Variants in CAST observed in about 807,000 individuals in gnomAD.
CAST encodes the protein MIR583 host.
In CAST, 76 loss-of-function variants were observed where a neutral mutation model predicts 119.6. That is an observed-to-expected ratio of 0.64 (90% CI 0.53 to 0.77). CAST has a LOEUF of 0.77. Ranked by LOEUF, CAST falls within the 30% of genes least tolerant of loss-of-function variation. The pLI is 0.00. For synonymous variants in CAST, 319 were observed against 331.6 expected, an observed-to-expected ratio of 0.96 and a Z score of 0.41; for missense variants, 953 against 946.5, an observed-to-expected ratio of 1.01 and a Z score of -0.09.
intron 2 of CAST, among the ~76,000 whole-genome samples, chr5:96,688,269 T>A (rs1752304410): frequency 6.6e-6 from 1 of 152,184 alleles, no homozygotes; most frequent in Non-Finnish European, 1.5e-5. Context: ...ATTTTGAAAA[T>A]GTTAGAAATA....
chr5:96,009,336 G>T, the CAST span, among the ~76,000 whole-genome samples: 81 of 152,258 alleles, frequency 5.3e-4, 1 homozygote, highest in East Asian at 0.013. Context: ...CAGTAGTGGG[G>T]TTGCTAGGTT....
rs1773278670 is a variant in CAST at position 96,773,745 on chromosome 5, T to C, written c.*1129T>C. The C allele has an allele frequency of 6.6e-6, 1 of 152,346 alleles. No homozygotes were observed. The highest frequency in any genetic ancestry group is 2.4e-5 in the African/African-American group (1 of 41,454). 9.4% of individuals were successfully genotyped at this position (152,346 alleles called of 1,614,324 possible). A position where few individuals can be genotyped will look rare whatever the true frequency, so the allele number is the denominator to read the frequency against. On this transcript the variant is annotated 3_prime_UTR_variant, in exon 32 of 32. Coordinates refer to ENST00000675179, the MANE Select transcript of CAST (RefSeq NM_001750.7). ...TGCACTGATATCATCGATTAGAATT[T>C]TGATATTTAATTTCATCTTTATTTC...
chr5:96,433,362 C>A, the CAST span: 1 of 401,874 alleles, frequency 2.5e-6, no homozygotes, highest in East Asian at 5.4e-5. Flanking sequence ...GTATTCCCGG[C>A]GGGGCGGAGA....
At chr5:96,069,377 GTGTGTCTA>G in the CAST span, among the ~76,000 whole-genome samples, 1 of 130,952 alleles carries the variant, frequency 7.6e-6, no homozygotes, top group Non-Finnish European at 1.7e-5. Flanking sequence ...GTGTGTGTGT[GTGTGTCTA>G]TGTGTGTGTG....
chr5:96,645,418 A>T (rs980615304), intron 1 of CAST, among the ~76,000 whole-genome samples: 1 of 152,180 alleles, frequency 6.6e-6, no homozygotes, highest in Non-Finnish European at 1.5e-5. Flanking sequence ...ATTATTTGGA[A>T]GCAAGTCACT....
the CAST span, among the ~76,000 whole-genome samples, chr5:96,067,500 C>T: frequency 3.3e-5 from 5 of 152,132 alleles, no homozygotes; most frequent in African/African-American, 7.2e-5. Flanking sequence ...TAATTGCTTT[C>T]GAAGTGAAGA....
At chr5:96,378,167 G>A in the CAST span, among the ~76,000 whole-genome samples, 1 of 152,174 alleles carries the variant, frequency 6.6e-6, no homozygotes, top group Non-Finnish European at 1.5e-5. Context: ...AAGGGGGAAA[G>A]TGGGAAGGAG....
At chr5:96,143,352 G>A in the CAST span, among the ~76,000 whole-genome samples, 4 of 152,208 alleles carry the variant, frequency 2.6e-5, no homozygotes, top group Non-Finnish European at 5.9e-5. Flanking sequence ...TGTGCCACCT[G>A]TATGCACTTT....
chr5:96,414,087 C>T, the CAST span, among the ~76,000 whole-genome samples: 2 of 144,956 alleles, frequency 1.4e-5, no homozygotes, highest in Admixed American at 7.0e-5. Context: ...TGCAGTGAGC[C>T]GAGATCGCGC....
chr5:96,196,393 TATGCCAGGC>T, the CAST span, among the ~76,000 whole-genome samples: 1 of 152,232 alleles, frequency 6.6e-6, no homozygotes, highest in Non-Finnish European at 1.5e-5. Flanking sequence ...GAGCTTACTT[TATGCCAGGC>T]ACAAAATACT....
At chr5:96,637,055 T>A (rs1027569624) in intron 1 of CAST, among the ~76,000 whole-genome samples, 4 of 152,150 alleles carry the variant, frequency 2.6e-5, no homozygotes, top group Non-Finnish European at 5.9e-5. Flanking sequence ...TTACTGTGAC[T>A]ATGAAAGAGT....
chr5:96,028,809 A>G, the CAST span, among the ~76,000 whole-genome samples: 1 of 152,226 alleles, frequency 6.6e-6, no homozygotes, highest in African/African-American at 2.4e-5. Context: ...TCCTATTGTA[A>G]AAAGTATAGG....
the CAST span, among the ~76,000 whole-genome samples, chr5:96,423,989 A>C: frequency 6.6e-6 from 1 of 152,196 alleles, no homozygotes; most frequent in Non-Finnish European, 1.5e-5. Flanking sequence ...CCTATTTTTA[A>C]GTATGAGTGA....
At chr5:96,717,298 G>A (rs573125314) in intron 3 of CAST, among the ~76,000 whole-genome samples, 5 of 152,308 alleles carry the variant, frequency 3.3e-5, no homozygotes, top group South Asian at 4.1e-4. Flanking sequence ...GATAATAAGA[G>A]CTAAAGCAGA....
At chr5:96,462,973 C>G in the CAST span, among the ~76,000 whole-genome samples, 1 of 152,094 alleles carries the variant, frequency 6.6e-6, no homozygotes, top group Non-Finnish European at 1.5e-5. Flanking sequence ...CCATGTGAAA[C>G]TGTGAGTCAA....
the CAST span, among the ~76,000 whole-genome samples, chr5:96,242,413 G>A: frequency 1.2e-4 from 19 of 152,182 alleles, no homozygotes; most frequent in East Asian, 2.9e-3. Flanking sequence ...TTACCTGCAT[G>A]AGCCACCATG....
intron 1 of CAST, among the ~76,000 whole-genome samples, chr5:96,568,412 A>G (rs1746511494): frequency 6.6e-6 from 1 of 152,028 alleles, no homozygotes; most frequent in Admixed American, 6.5e-5. Flanking sequence ...TAAAAATACA[A>G]AAATTAGCTG....
the CAST span, among the ~76,000 whole-genome samples, chr5:96,109,644 G>C: frequency 4.6e-5 from 7 of 152,346 alleles, no homozygotes; most frequent in East Asian, 1.2e-3. Flanking sequence ...AGAGTCAAGA[G>C]AGGTGGGAAG....
At chr5:96,426,835 A>G in the CAST span, among the ~76,000 whole-genome samples, 3 of 152,216 alleles carry the variant, frequency 2.0e-5, no homozygotes, top group African/African-American at 7.2e-5. Context: ...ATAATTTGCA[A>G]CTGAAGGATA....
Sources: gnomAD v4.1 joint callset for allele counts (sites outside exome capture counted in the v4.1 genomes callset) on GRCh38, gnomAD v4.1.1 for gene constraint, MANE v1.5 for transcripts, NCBI Gene and HGNC (gene_info 2026-07-23, HGNC 2026-07-21) for gene names.